The following DLC1 variants were observed in gnomAD, a reference collection of about 807,000 sequenced individuals.
The protein encoded by DLC1 is DLC1 Rho GTPase activating protein, also known as rho GTPase-activating protein 7.
DLC1 carries 54 observed loss-of-function variants against 140.3 expected under a neutral mutation model. The observed-to-expected ratio is 0.38, with a 90% CI of 0.31 to 0.48. The LOEUF is 0.48. Ranked by LOEUF, DLC1 falls within the 20% of genes least tolerant of loss-of-function variation. DLC1 has a pLI of 0.96. For missense variants in DLC1, 2,536 were observed against 1,907.0 expected, an observed-to-expected ratio of 1.33 and a Z score of -6.14; for synonymous variants, 986 against 728.1, an observed-to-expected ratio of 1.35 and a Z score of -5.70.
intron 5 of DLC1, among the ~76,000 whole-genome samples, chr8:13,131,346 GAAAAA>G (rs113687290): frequency 6.7e-6 from 1 of 148,874 alleles, no homozygotes; most frequent in Admixed American, 6.7e-5. Flanking sequence ...AATTTTGGAG[GAAAAA>G]AAAAATGTAA....
intron 4 of DLC1, among the ~76,000 whole-genome samples, chr8:13,382,273 C>T (rs73551536): frequency 0.13 from 19,783 of 151,306 alleles, 1,439 homozygotes; most frequent in Non-Finnish European, 0.17. Context: ...TTTGGGAGGC[C>T]GAGGCGGGCG....
At chr8:13,284,284 T>G (rs1201514619) in intron 5 of DLC1, among the ~76,000 whole-genome samples, 1 of 152,162 alleles carries the variant, frequency 6.6e-6, no homozygotes, top group Non-Finnish European at 1.5e-5. Flanking sequence ...CCCAACACTT[T>G]GGGAGGCCAA....
At chr8:13,197,103 T>C (rs939117326) in intron 5 of DLC1, among the ~76,000 whole-genome samples, 4 of 152,236 alleles carry the variant, frequency 2.6e-5, no homozygotes, top group African/African-American at 9.6e-5. Flanking sequence ...TGTTTAATCC[T>C]GCATATAGTT....
chr8:13,584,590 G>A (rs1480578164), intron 1 of DLC1: 1 of 152,126 alleles, frequency 6.6e-6, no homozygotes, highest in African/African-American at 2.4e-5. Flanking sequence ...AAACAGCATG[G>A]AACAAAGATT....
chr8:13,455,413 C>T (rs1238537315), intron 2 of DLC1, among the ~76,000 whole-genome samples: 1 of 152,098 alleles, frequency 6.6e-6, no homozygotes, highest in Non-Finnish European at 1.5e-5. Context: ...AGCCTAATGT[C>T]GCTGCAGCTG....
At chr8:13,118,980 G>C (rs943025538) in intron 5 of DLC1, among the ~76,000 whole-genome samples, 1 of 152,136 alleles carries the variant, frequency 6.6e-6, no homozygotes, top group Non-Finnish European at 1.5e-5. Flanking sequence ...TGTAGTCTCA[G>C]CACTTTGGGA....
chr8:13,471,936 T>C (rs987059915), intron 2 of DLC1, among the ~76,000 whole-genome samples: 11 of 152,160 alleles, frequency 7.2e-5, no homozygotes, highest in Non-Finnish European at 1.2e-4. Flanking sequence ...TCTCCCACTC[T>C]GGGGACCACA....
chr8:13,119,514 C>G (rs868263682), intron 5 of DLC1, among the ~76,000 whole-genome samples: 1 of 152,170 alleles, frequency 6.6e-6, no homozygotes, highest in Non-Finnish European at 1.5e-5. Context: ...TTACTGAGTG[C>G]TTAATACGCA....
rs115450797 is a variant in DLC1, at chr8:13,091,271, T to C, written c.3855+47A>G. The C allele has an allele frequency of 1.2e-3, 1,833 of 1,586,992 alleles. 23 individuals are homozygous for C. In the African/African-American group the frequency reaches 0.021, roughly 19 times the overall value. On this transcript the variant is annotated intron_variant, in intron 14 of 17. Transcript: ENST00000276297. ...AGGGTCAAGCCTAAGATTTTGTACCTATTCACATTATCCTTAATAAAGGAG... is the reference window on the plus strand; with the variant it reads ...AGGGTCAAGCCTAAGATTTTGTACCCATTCACATTATCCTTAATAAAGGAG...
intron 6 of DLC1, among the ~76,000 whole-genome samples, chr8:13,112,410 T>C (rs1377726237): frequency 6.6e-6 from 1 of 152,206 alleles, no homozygotes. Flanking sequence ...TTATAGTCTA[T>C]CCTTTTTTTT....
At chr8:13,348,963 G>A (rs367776194) in intron 4 of DLC1, among the ~76,000 whole-genome samples, 35 of 152,144 alleles carry the variant, frequency 2.3e-4, no homozygotes, top group East Asian at 3.9e-4. Flanking sequence ...GGCAGCAGCC[G>A]CTCTGGAAGG....
chr8:13,389,324 A>C (rs73205758), intron 4 of DLC1, among the ~76,000 whole-genome samples: 685 of 152,232 alleles, frequency 4.5e-3, no homozygotes, highest in Non-Finnish European at 8.0e-3. Context: ...GGAACAACTC[A>C]AGCCACTGAA....
intron 4 of DLC1, among the ~76,000 whole-genome samples, chr8:13,378,750 A>C (rs1296710493): frequency 6.6e-6 from 1 of 152,182 alleles, no homozygotes; most frequent in Non-Finnish European, 1.5e-5. Context: ...TGCCTAACTT[A>C]TTAAAACTTT....
intron 2 of DLC1, among the ~76,000 whole-genome samples, chr8:13,428,145 G>C (rs1487760568): frequency 2.0e-5 from 3 of 152,230 alleles, no homozygotes; most frequent in Middle Eastern, 3.4e-3. Flanking sequence ...TGTTGTACTA[G>C]TGTAAAAAGA....
At chr8:13,224,455 C>A (rs1188303) in intron 5 of DLC1, among the ~76,000 whole-genome samples, 88,753 of 151,910 alleles carry the variant, frequency 0.58, 27,188 homozygotes, top group East Asian at 0.84. Context: ...TACAAATGCC[C>A]GTGTCATTAA....
At position 13,565,713 on chromosome 8, in the gene DLC1, CA is replaced by C. The variant is rs551272148; in HGVS notation, c.-126+38823del. ...ACACAGGAAGAAAGAGAGAGAGAGA[CA>C]AAACTGAGAAAGAAGGGTGTCTAGG... On this transcript the variant is annotated intron_variant, in intron 1 of 1. Coordinates refer to the DLC1 transcript ENST00000631382. Among the ~76,000 whole-genome samples the C allele has an allele frequency of 7.2e-5, 11 of 152,130 alleles. No homozygotes were observed. In the South Asian group the frequency reaches 2.3e-3, roughly 32 times the overall value.
At chr8:13,555,662 T>A (rs915642115) in intron 1 of DLC1, among the ~76,000 whole-genome samples, 17 of 141,722 alleles carry the variant, frequency 1.2e-4, no homozygotes, top group Admixed American at 2.8e-4. Flanking sequence ...TAGCTATTAT[T>A]TTTTTTTTTT....
intron 1 of DLC1, among the ~76,000 whole-genome samples, chr8:13,593,025 G>T (rs902715434): frequency 6.6e-6 from 1 of 151,996 alleles, no homozygotes; most frequent in Non-Finnish European, 1.5e-5. Flanking sequence ...AAGGAGTTTA[G>T]CTTTGGCGTA....
chr8:13,378,187 T>G (rs1455020318), intron 4 of DLC1, among the ~76,000 whole-genome samples: 4 of 145,298 alleles, frequency 2.8e-5, no homozygotes, highest in African/African-American at 1.0e-4. Context: ...CTGCACATTG[T>G]GCACATGTAC....
Sources: allele counts gnomAD v4.1 joint callset (sites outside exome capture counted in the v4.1 genomes callset), GRCh38; gene constraint gnomAD v4.1.1; transcripts MANE v1.5; gene names NCBI Gene and HGNC (gene_info 2026-07-23, HGNC 2026-07-21).